The following ABCC6 variants were observed in gnomAD, a reference collection of about 807,000 sequenced individuals.
ABCC6 encodes the protein ATP-binding cassette sub-family C member 6.
In ABCC6, 126 loss-of-function variants were observed where a neutral mutation model predicts 169.5. The ratio of observed to expected loss-of-function variants is 0.74; its 90% CI spans 0.64 to 0.86. The LOEUF (loss-of-function observed/expected upper bound fraction) is 0.86. Among genes scored for constraint, ABCC6 ranks in the 40% least tolerant of loss-of-function variants. The pLI is 0.00. For synonymous variants in ABCC6, 752 were observed against 814.7 expected, an observed-to-expected ratio of 0.92 and a Z score of 1.31; for missense variants, 1,733 against 1,927.2, an observed-to-expected ratio of 0.90 and a Z score of 1.89.
chr16:16,157,719 G>A lies in ABCC6; in HGVS notation c.3826C>T (p.Pro1276Ser), dbSNP rs759798432. The A allele has an allele frequency of 1.6e-5, 26 of 1,613,956 alleles. No homozygotes were observed. The South Asian group carries it at 2.4e-4, about 15-fold the overall frequency. Residue 1276 changes from proline (P) to serine (S), a missense_variant, in exon 27 of 31, where the codon CCT becomes TCT. Physicochemically the swap from Pro to Ser is moderately conservative, Grantham distance 74 (BLOSUM62 -1). This residue lies in a region of ABCC6 where 1,601 missense variants were observed against 1,635.5 expected (regional missense o/e 0.98). Transcript: ENST00000205557. ...EFRDFGLRYR[P>S]ELPLAVQGVS... ...CCCTGCACAGCCAGCGGGAGCTCAG[G>A]TCGGTATCTTAGCCCAAAGTCCCGG...
intron 12 of ABCC6, 105 bp from the exon 13 acceptor site, chr16:16,189,079 C>T (rs2047753781): frequency 1.5e-6 from 2 of 1,307,178 alleles, no homozygotes; most frequent in Admixed American, 1.7e-5. Context: ...GCCCACCCGC[C>T]ATGTCCGCAT....
intron 14 of ABCC6, 89 bp from the exon 15 acceptor site, chr16:16,185,123 C>G (rs1042175572): frequency 1.6e-6 from 2 of 1,223,094 alleles, no homozygotes; most frequent in East Asian, 2.3e-5. Flanking sequence ...CCCCCGCCCC[C>G]CCCAGGGGCA....
chr16:16,208,497 C>T (rs553792830), intron 7 of ABCC6, among the ~76,000 whole-genome samples: 1 of 152,140 alleles, frequency 6.6e-6, no homozygotes, highest in African/African-American at 2.4e-5. Context: ...CTCAAGCCTC[C>T]TGAGTAGCTG....
At chr16:16,164,748 G>A (rs2046825486) in intron 23 of ABCC6, among the ~76,000 whole-genome samples, 2 of 152,258 alleles carry the variant, frequency 1.3e-5, no homozygotes, top group Non-Finnish European at 2.9e-5. Context: ...TTCATGGGCC[G>A]ACCCACATAG....
Position 16,161,465 on chromosome 16 carries a change from C to T in ABCC6, c.3606G>A (p.Val1202=), listed in dbSNP as rs766504801. The change falls in exon 25 of 31, where the codon GTG becomes GTA. Residue 1202 remains valine, a synonymous_variant. Coordinates refer to ENST00000205557, the MANE Select transcript of ABCC6 (RefSeq NM_001171.6). ...LSKAHLSAGL[V]GFSVSAALQV... is the part of the protein sequence containing the mutation. ...GGAGGGCAGCAGAGACAGAGAAGCC[C>T]ACGAGGCCAGCACTGAGGTGGGCTT... The T allele has an allele frequency of 2.3e-5, 37 of 1,613,798 alleles. No individual in the cohort carries two copies. The Admixed American group carries it at 6.2e-4, about 27-fold the overall frequency.
intron 27 of ABCC6, 132 bp downstream of exon 27, chr16:16,157,531 A>G: frequency 1.7e-6 from 2 of 1,155,206 alleles, no homozygotes; most frequent in Non-Finnish European, 2.5e-6. Context: ...TTTAGGGGGT[A>G]ATGGGTCTGA....
chr16:16,200,461 A>G (rs538741543), intron 9 of ABCC6, among the ~76,000 whole-genome samples: 4 of 148,312 alleles, frequency 2.7e-5, no homozygotes, highest in Non-Finnish European at 6.0e-5. Context: ...CCCAGAGGTT[A>G]GAGAGGAGGG....
chr16:16,158,732 A>G (rs1410091670), intron 26 of ABCC6, among the ~76,000 whole-genome samples: 3 of 152,000 alleles, frequency 2.0e-5, no homozygotes, highest in African/African-American at 4.8e-5. Flanking sequence ...TTACTGTTAC[A>G]TTGCCATGTT....
At chr16:16,203,362 A>G (rs2048302276) in intron 8 of ABCC6, 48 bp downstream of exon 8, 12 of 1,612,934 alleles carry the variant, frequency 7.4e-6, no homozygotes, top group Admixed American at 1.7e-5. Context: ...GAAGGATGCC[A>G]CTAAGAGACC....
intron 7 of ABCC6, 132 bp from the exon 8 acceptor site, chr16:16,203,745 C>T (rs1450019485): frequency 3.1e-6 from 3 of 978,928 alleles, no homozygotes; most frequent in Non-Finnish European, 1.6e-6. Flanking sequence ...GGCTCCCTCA[C>T]CTGTTCCTCC....
chr16:16,153,057 G>T (rs1015621833), intron 29 of ABCC6, among the ~76,000 whole-genome samples: 1 of 151,966 alleles, frequency 6.6e-6, no homozygotes, highest in East Asian at 1.9e-4. Context: ...GGCGCCTGCC[G>T]CCACACCCAG....
At position 16,157,870 on chromosome 16, in the gene ABCC6, C is replaced by T. The variant is rs1476797430; in HGVS notation, c.3736-61G>A. ...TCCTCTAAGACTTCACACAAGATGG[C>T]CCACCTCTATCAGCTTCAGTTTTCT... On this transcript the variant is annotated intron_variant, in intron 26 of 30. Transcript: ENST00000205557. 1.0e-5 allele frequency: 16 copies of T among 1,553,324 alleles called. No homozygotes were observed. In the South Asian group the frequency reaches 1.5e-4, roughly 14 times the overall value.
chr16:16,172,852 G>T (rs2047159193), intron 21 of ABCC6, among the ~76,000 whole-genome samples: 1 of 152,074 alleles, frequency 6.6e-6, no homozygotes, highest in East Asian at 1.9e-4. Context: ...AGACCAACCT[G>T]GGCAACATGG....
chr16:16,154,166 C>G (rs916065981), intron 29 of ABCC6, among the ~76,000 whole-genome samples: 1 of 151,804 alleles, frequency 6.6e-6, no homozygotes, highest in African/African-American at 2.4e-5. Context: ...AGACTAGTCT[C>G]GAACTCCTGG....
chr16:16,165,180 G>T (rs962623273), intron 23 of ABCC6, among the ~76,000 whole-genome samples: 1 of 152,246 alleles, frequency 6.6e-6, no homozygotes, highest in Admixed American at 6.5e-5. Context: ...GGAGGCCAAG[G>T]TGGGAGGATC....
At chr16:16,205,310 C>T (rs935343251) in intron 7 of ABCC6, among the ~76,000 whole-genome samples, 8 of 152,142 alleles carry the variant, frequency 5.3e-5, no homozygotes. Context: ...TGGCGACAGC[C>T]GCCCGAGGTC....
chr16:16,161,385 C>T (rs959737237), intron 25 of ABCC6, 53 bp downstream of exon 25: 16 of 1,612,472 alleles, frequency 9.9e-6, no homozygotes, highest in Non-Finnish European at 1.4e-5. Flanking sequence ...AGGGGTCCGA[C>T]AGTCTCTGCC....
intron 14 of ABCC6, among the ~76,000 whole-genome samples, chr16:16,186,601 G>T (rs1265357237): frequency 6.7e-6 from 1 of 150,316 alleles, no homozygotes; most frequent in Non-Finnish European, 1.5e-5. Context: ...TTCCTTATAA[G>T]AATCTAATGC....
intron 30 of ABCC6, 141 bp downstream of exon 30, chr16:16,150,437 T>A: frequency 1.3e-6 from 2 of 1,494,980 alleles, no homozygotes; most frequent in Non-Finnish European, 1.8e-6. Flanking sequence ...TTGGCATGTG[T>A]TCCCGGGCAT....
Sources: allele counts gnomAD v4.1 joint callset (sites outside exome capture counted in the v4.1 genomes callset), GRCh38; gene constraint gnomAD v4.1.1; regional missense constraint gnomAD v4.1.1; transcripts MANE v1.5; gene names NCBI Gene and HGNC (gene_info 2026-07-23, HGNC 2026-07-21).